The following PDCD6 variants were observed in gnomAD, a reference collection of about 807,000 sequenced individuals.
PDCD6 encodes programmed cell death 6.
A neutral mutation model predicts 28.3 loss-of-function variants in PDCD6; 12 were observed. The observed-to-expected ratio is 0.42, with a 90% CI of 0.27 to 0.69. The LOEUF (loss-of-function observed/expected upper bound fraction) is 0.69. Ranked by LOEUF, PDCD6 falls within the 30% of genes least tolerant of loss-of-function variation. The pLI is 0.22. For synonymous variants in PDCD6, 92 were observed against 108.0 expected (o/e 0.85, Z 0.92); for missense variants, 226 against 269.9 (o/e 0.84, Z 1.14).
intron 2 of PDCD6, among the ~76,000 whole-genome samples, chr5:283,323 G>A (rs1188218766): frequency 1.3e-5 from 2 of 152,084 alleles, no homozygotes; most frequent in African/African-American, 4.8e-5. Flanking sequence ...TCAGGCAGGA[G>A]CTGATGTTCT....
rs546181260 is a variant in PDCD6, at chr5:273,789, A to G, written c.163+1017A>G. 2.5e-3 allele frequency among the ~76,000 whole-genome samples: 375 copies of G among 152,276 alleles called. 3 individuals are homozygous for G. Among genetic ancestry groups the G allele is most frequent in the African/African-American group, 8.6e-3 (356 of 41,538 alleles). On this transcript the variant is annotated intron_variant, in intron 2 of 5. Transcript: ENST00000264933. ...CCTTATATTACGACATCAGTTCCTA[A>G]TATGTGGCGTGTGGGCCACAGATGC...
Position 289,097 on chromosome 5 carries a change from A to C in PDCD6, c.164-15080A>C. The C allele has an allele frequency of 1.7e-6, 2 of 1,203,644 alleles. 1 individual carries two copies. Among genetic ancestry groups the C allele is most frequent in the South Asian group, 2.7e-5 (2 of 74,424 alleles). The allele number at this position is 1,203,644 out of a possible 1,614,324, so 74.6% of individuals were successfully genotyped here. ...CTTCATTCACAGTTGAGGCATCATC[A>C]GATTATTTTTCTTGATTTTTTCTTT... is the stretch of plus-strand genomic sequence containing the variant. On this transcript the variant is annotated intron_variant, in intron 2 of 5. Transcript: ENST00000264933.
chr5:288,841 C>A (rs932634549), intron 2 of PDCD6: 167 of 1,448,108 alleles, frequency 1.2e-4, no homozygotes, highest in Non-Finnish European at 1.5e-4. Flanking sequence ...TAGTCTTGTT[C>A]CATTGGTTCA....
rs184998969 is a variant in PDCD6, at chr5:300,987, C to T, written c.164-3190C>T. ...AGATGGCACCTGAGCCTCCCTGTGC[C>T]TGCGCTGCGGCGTTAACATCTCGCT... On this transcript the variant is annotated intron_variant, in intron 2 of 5. Transcript: ENST00000264933. Among the ~76,000 whole-genome samples, 10 of 152,372 alleles carry T rather than the reference C, an allele frequency of 6.6e-5. No homozygotes were observed. In the East Asian group the frequency reaches 1.7e-3, roughly 26 times the overall value.
chr5:289,782 C>A, intron 2 of PDCD6: 1 of 1,047,700 alleles, frequency 9.5e-7, no homozygotes, highest in Admixed American at 1.7e-5. Flanking sequence ...ACAAAGAAAC[C>A]TTTGGTCGAT....
At chr5:299,770 CG>C (rs1445035479) in intron 2 of PDCD6, among the ~76,000 whole-genome samples, 2 of 152,122 alleles carry the variant, frequency 1.3e-5, no homozygotes, top group African/African-American at 4.8e-5. Flanking sequence ...AGGATGGTCT[CG>C]ATCTCCTCAC....
intron 5 of PDCD6, chr5:312,355 T>C (rs1740978375): frequency 6.6e-6 from 1 of 152,238 alleles, no homozygotes; most frequent in African/African-American, 2.4e-5. Context: ...CTTGTTGGCC[T>C]TGGAATTCAG....
At position 305,876 on chromosome 5, in the gene PDCD6, C is replaced by T. The variant is rs761993948; in HGVS notation, c.209-726C>T. 13 of 152,342 alleles carry T rather than the reference C, an allele frequency of 8.5e-5. No homozygotes were observed. The highest frequency in any genetic ancestry group is 1.5e-4 in the Non-Finnish European group (10 of 68,046). 9.4% of individuals were successfully genotyped at this position (152,342 alleles called of 1,614,324 possible). On this transcript the variant is annotated intron_variant, in intron 3 of 5. Transcript: ENST00000264933. The surrounding 1 kb of genome is among the most constrained non-coding windows in gnomAD (Gnocchi z 4.0). ...CCTGTGGATTTTCATTTAATTGTAA[C>T]ATATTTCTGATCAAACCAGGAGTAG...
chr5:282,179 G>A (rs1003988981), intron 2 of PDCD6, among the ~76,000 whole-genome samples: 5 of 151,118 alleles, frequency 3.3e-5, no homozygotes, highest in Non-Finnish European at 5.9e-5. Flanking sequence ...CTGAAGACTC[G>A]GGGAGCAGCT....
intron 2 of PDCD6, among the ~76,000 whole-genome samples, chr5:273,724 A>G (rs1737994470): frequency 6.6e-6 from 1 of 151,904 alleles, no homozygotes; most frequent in Non-Finnish European, 1.5e-5. Context: ...TTACTGCCTA[A>G]TGATTTGTGA....
At chr5:291,584 C>T (rs1739316981) in intron 2 of PDCD6, among the ~76,000 whole-genome samples, 1 of 151,162 alleles carries the variant, frequency 6.6e-6, no homozygotes, top group East Asian at 2.0e-4. Context: ...CCCTGAGACC[C>T]ACCCACACTG....
chr5:281,515 CA>C (rs1434517625), intron 2 of PDCD6, among the ~76,000 whole-genome samples: 1 of 152,036 alleles, frequency 6.6e-6, no homozygotes, highest in East Asian at 1.9e-4. Flanking sequence ...GCTGGAGATC[CA>C]GGTGGGAGAG....
At chr5:295,032 G>A (rs941431207) in intron 2 of PDCD6, among the ~76,000 whole-genome samples, 15 of 152,138 alleles carry the variant, frequency 9.9e-5, no homozygotes, top group African/African-American at 3.6e-4. Context: ...GGGGCGAATG[G>A]AGGAGCTCTC....
chr5:306,862 G>A, intron 4 of PDCD6, 102 bp downstream of exon 4: 2 of 1,230,230 alleles, frequency 1.6e-6, no homozygotes, highest in Non-Finnish European at 2.4e-6. Flanking sequence ...GTCTAACCAG[G>A]CTACGTAAAG....
In PDCD6 at chr5:271,700, C is replaced by T. The variant is rs1737803872; in HGVS notation, c.-21C>T. The stretch of plus-strand genomic sequence containing the variant: ...TCTCTCGTCGCTGCAGGCGCCTCAG[C>T]CCAGCCGCGTGCCTTGGCCCATGGC... On this transcript the variant is annotated 5_prime_UTR_variant, in exon 1 of 6. Transcript: ENST00000264933. 1 of 1,462,216 alleles carries T rather than the reference C, an allele frequency of 6.8e-7. No homozygotes were observed. The highest frequency in any genetic ancestry group is 9.3e-7 in the Non-Finnish European group (1 of 1,078,582). The allele number at this position is 1,462,216 out of a possible 1,614,324, so 90.6% of individuals were successfully genotyped here.
At chr5:295,205 C>T (rs1432702931) in intron 2 of PDCD6, among the ~76,000 whole-genome samples, 1 of 138,074 alleles carries the variant, frequency 7.2e-6, no homozygotes, top group Non-Finnish European at 1.5e-5. Context: ...TTAAAAAAAA[C>T]TCTTAAAATA....
chr5:279,583 C>T (rs959253293), intron 2 of PDCD6, among the ~76,000 whole-genome samples: 1 of 151,978 alleles, frequency 6.6e-6, no homozygotes, highest in African/African-American at 2.4e-5. Flanking sequence ...TGTCATGTGC[C>T]TCATCCCAGC....
In PDCD6 at chr5:303,720, C is replaced by T. The variant is rs535838796; in HGVS notation, c.164-457C>T. On this transcript the variant is annotated intron_variant, in intron 2 of 5. Transcript: ENST00000264933. ...AGTAGAATTAGTGTGAATGCCACAG[C>T]GACCAAGCTATGTTCAGGTGTCTGC... 6.6e-4 allele frequency among the ~76,000 whole-genome samples: 99 copies of T among 150,928 alleles called. 1 individual carries two copies. Among genetic ancestry groups the T allele is most frequent in the African/African-American group, 2.3e-3 (94 of 40,370 alleles).
chr5:314,552 G>A lies in PDCD6; in HGVS notation c.*37G>A, dbSNP rs759962998. ...CGTGAAGAGCAGCACAACATGGAAA[G>A]AGCCAAAATGTCACAGTTCCTATCT... On this transcript the variant is annotated 3_prime_UTR_variant, in exon 6 of 6. Coordinates refer to ENST00000264933, the MANE Select transcript of PDCD6 (RefSeq NM_013232.4). The A allele has an allele frequency of 7.1e-7, 1 of 1,401,286 alleles. No homozygotes were observed. Among genetic ancestry groups the A allele is most frequent in the Non-Finnish European group, 1.0e-6 (1 of 987,104 alleles). 86.8% of individuals were successfully genotyped at this position (1,401,286 alleles called of 1,614,324 possible).
Sources: gnomAD v4.1 joint callset for allele counts (sites outside exome capture counted in the v4.1 genomes callset) on GRCh38, gnomAD v4.1.1 for gene constraint, Gnocchi (gnomAD v3.1) non-coding constraint, MANE v1.5 for transcripts, NCBI Gene and HGNC (gene_info 2026-07-23, HGNC 2026-07-21) for gene names.